Variants in CORIN observed in about 807,000 individuals in gnomAD.
CORIN encodes the protein atrial natriuretic peptide-converting enzyme.
Under a neutral mutation model 125.3 loss-of-function variants are expected in CORIN, and 117 were observed. The ratio of observed to expected loss-of-function variants is 0.93; its 90% confidence interval spans 0.80 to 1.09. CORIN has a LOEUF of 1.09. Among genes scored for constraint, CORIN ranks in the 50% least tolerant of loss-of-function variants. The probability of loss-of-function intolerance (pLI) is 0.00; values close to 1 mark genes in which losing one functional copy is unlikely to be tolerated. For synonymous variants in CORIN, 450 were observed against 466.4 expected, an observed-to-expected ratio of 0.96 and a Z score of 0.45; for missense variants, 1,253 against 1,306.7, an observed-to-expected ratio of 0.96 and a Z score of 0.63.
chr4:47,633,327 T>A (rs1398807584), intron 16 of CORIN, among the ~76,000 whole-genome samples: 3 of 152,126 alleles, frequency 2.0e-5, no homozygotes, highest in Non-Finnish European at 4.4e-5. Context: ...AAATTTAAAT[T>A]TATAAAATAT....
chr4:47,706,682 G>A (rs1207796349), intron 5 of CORIN: 27 of 1,609,044 alleles, frequency 1.7e-5, no homozygotes, highest in Non-Finnish European at 2.2e-5. Flanking sequence ...CGTTGCGGAG[G>A]AGCGAGCTGG....
At chr4:47,828,595 A>C (rs557369143) in intron 1 of CORIN, among the ~76,000 whole-genome samples, 36 of 152,176 alleles carry the variant, frequency 2.4e-4, no homozygotes, top group Non-Finnish European at 2.9e-4. Context: ...AGATAATCCA[A>C]GATAATCTCC....
chr4:47,700,446 C>T (rs1242833578), intron 5 of CORIN, among the ~76,000 whole-genome samples: 1 of 152,182 alleles, frequency 6.6e-6, no homozygotes, highest in African/African-American at 2.4e-5. Flanking sequence ...TAAATTCATA[C>T]TTCCCCACTC....
intron 5 of CORIN, among the ~76,000 whole-genome samples, chr4:47,742,349 T>A (rs1577881527): frequency 6.6e-6 from 1 of 152,106 alleles, no homozygotes; most frequent in African/African-American, 2.4e-5. Context: ...TAAATTGTCA[T>A]TATTTTAGAT....
intron 4 of CORIN, among the ~76,000 whole-genome samples, chr4:47,753,622 T>G (rs988541269): frequency 6.6e-6 from 1 of 152,152 alleles, no homozygotes; most frequent in Non-Finnish European, 1.5e-5. Flanking sequence ...GTGATATCTT[T>G]CCTACTTGCA....
At chr4:47,802,527 C>G (rs1731589769) in intron 2 of CORIN, among the ~76,000 whole-genome samples, 1 of 152,068 alleles carries the variant, frequency 6.6e-6, no homozygotes, top group Non-Finnish European at 1.5e-5. Context: ...ACTCCTTGGC[C>G]AATGGAAATG....
intron 10 of CORIN, among the ~76,000 whole-genome samples, chr4:47,673,085 G>A (rs1297520568): frequency 1.3e-5 from 2 of 152,068 alleles, no homozygotes; most frequent in Non-Finnish European, 2.9e-5. Flanking sequence ...CCCTGGCTGG[G>A]TGCAGTGGCT....
intron 1 of CORIN, among the ~76,000 whole-genome samples, chr4:47,811,040 G>A (rs991130982): frequency 1.3e-5 from 2 of 152,068 alleles, no homozygotes; most frequent in Non-Finnish European, 1.5e-5. Flanking sequence ...TATGCAAAAC[G>A]AAACTCTCTA....
chr4:47,684,384 C>G (rs1725421431), intron 6 of CORIN, among the ~76,000 whole-genome samples: 2 of 152,164 alleles, frequency 1.3e-5, no homozygotes, highest in Admixed American at 1.3e-4. Flanking sequence ...ATGAGAAGTG[C>G]TATGTAATCT....
At chr4:47,816,404 A>C (rs1008591900) in intron 1 of CORIN, among the ~76,000 whole-genome samples, 1 of 152,208 alleles carries the variant, frequency 6.6e-6, no homozygotes, top group Non-Finnish European at 1.5e-5. Flanking sequence ...GACATGTTAA[A>C]ATCCCAGTAA....
chr4:47,602,425 T>C (rs531169149), intron 20 of CORIN, among the ~76,000 whole-genome samples: 1 of 152,368 alleles, frequency 6.6e-6, no homozygotes, highest in African/African-American at 2.4e-5. Flanking sequence ...GCCAAACTAT[T>C]TTAATCAATT....
chr4:47,809,305 T>C (rs182252961), intron 1 of CORIN, among the ~76,000 whole-genome samples: 2 of 152,118 alleles, frequency 1.3e-5, no homozygotes, highest in Admixed American at 6.5e-5. Context: ...CATTTTAATA[T>C]GTCATCTAAG....
intron 3 of CORIN, among the ~76,000 whole-genome samples, chr4:47,771,333 A>G (rs775166581): frequency 6.6e-6 from 1 of 152,194 alleles, no homozygotes; most frequent in Non-Finnish European, 1.5e-5. Context: ...GGAAAAATCA[A>G]TTTGAAAGGA....
rs1724366957 is a variant in CORIN at position 47,664,109 on chromosome 4, AG to A, written c.1589+922del. Among the ~76,000 whole-genome samples the A allele has an allele frequency of 5.3e-5, 8 of 152,314 alleles. No homozygotes were observed. In the South Asian group the frequency reaches 1.7e-3, roughly 32 times the overall value. On this transcript the variant is annotated intron_variant, in intron 11 of 21. Coordinates refer to ENST00000273857, the MANE Select transcript of CORIN (RefSeq NM_006587.4). ...GTTTCTGCAGTTGCTACTCGCATTT[AG>A]GCCAGCACATTTGTATACCTACCCC...
intron 5 of CORIN, chr4:47,706,684 G>T: frequency 6.2e-7 from 1 of 1,609,220 alleles, no homozygotes. Flanking sequence ...TTGCGGAGGA[G>T]CGAGCTGGAC....
chr4:47,666,860 T>C (rs1032460606), intron 10 of CORIN, among the ~76,000 whole-genome samples: 4 of 152,220 alleles, frequency 2.6e-5, no homozygotes. Flanking sequence ...ATCCATGGCA[T>C]TTTATTGTAG....
At chr4:47,777,719 A>G (rs914146653) in intron 3 of CORIN, among the ~76,000 whole-genome samples, 3 of 152,234 alleles carry the variant, frequency 2.0e-5, no homozygotes, top group South Asian at 4.1e-4. Context: ...ACACTGAAAC[A>G]CAAGAAGTGG....
chr4:47,706,726 T>C, intron 5 of CORIN: 1 of 1,604,668 alleles, frequency 6.2e-7, no homozygotes, highest in Non-Finnish European at 8.5e-7. Context: ...TCCTGAATTC[T>C]TACTGGGTTG....
At position 47,645,198 on chromosome 4, in the gene CORIN, G is replaced by A. The variant is rs781096382; in HGVS notation, c.1844-4C>T. 1 of 1,501,692 alleles carries A rather than the reference G, an allele frequency of 6.7e-7. No individual in the cohort carries two copies. The highest frequency in any genetic ancestry group is 9.2e-7 in the Non-Finnish European group (1 of 1,088,560). 93.0% of individuals were successfully genotyped at this position (1,501,692 alleles called of 1,614,324 possible). On this transcript the variant is annotated splice_region_variant and splice_polypyrimidine_tract_variant and intron_variant, in intron 13 of 21. Coordinates refer to ENST00000273857, the MANE Select transcript of CORIN (RefSeq NM_006587.4). ...CAAAGATCTCTCTCTTTACAACCTA[G>A]AGACAGAAGAAAAGGTTATTTGCAA...
Sources: allele counts gnomAD v4.1 joint callset (sites outside exome capture counted in the v4.1 genomes callset), GRCh38; gene constraint gnomAD v4.1.1; transcripts MANE v1.5; gene names NCBI Gene and HGNC (gene_info 2026-07-23, HGNC 2026-07-21).